The following WDFY4 variants were observed in gnomAD, a reference collection of about 807,000 sequenced individuals.
WDFY4 encodes the protein WDFY family member 4.
In WDFY4, 169 loss-of-function variants were observed where a neutral mutation model predicts 351.9. The observed-to-expected ratio is 0.48, with a 90% CI of 0.42 to 0.55. The LOEUF is 0.55. Ranked by LOEUF, WDFY4 falls within the 20% of genes least tolerant of loss-of-function variation. The pLI, the probability that WDFY4 is intolerant of heterozygous loss-of-function variation, is 0.00. For missense variants in WDFY4, 3,803 were observed against 3,935.6 expected, an observed-to-expected ratio of 0.97 and a Z score of 0.90; for synonymous variants, 1,622 against 1,574.6, an observed-to-expected ratio of 1.03 and a Z score of -0.71.
chr10:48,760,277 G>C, intron 12 of WDFY4, 70 bp from the exon 13 acceptor site: 1 of 1,366,712 alleles, frequency 7.3e-7, no homozygotes, highest in Non-Finnish European at 1.0e-6. Flanking sequence ...GAAAGATCCA[G>C]GAAGCTCAGT....
intron 39 of WDFY4, among the ~76,000 whole-genome samples, chr10:48,848,789 C>A (rs375484062): frequency 6.6e-6 from 1 of 152,204 alleles, no homozygotes; most frequent in Non-Finnish European, 1.5e-5. Flanking sequence ...CCCGAGGAGG[C>A]GAGCTGGGAA....
At position 48,820,956 on chromosome 10, in the gene WDFY4, C is replaced by G. The variant is rs149931108; in HGVS notation, c.5710-106C>G. On this transcript the variant is annotated intron_variant, in intron 33 of 61. Coordinates refer to ENST00000325239, the MANE Select transcript of WDFY4 (RefSeq NM_001394531.1). ...GGAAAATTGTGAGCAGCCCACACTG[C>G]TGGCAGATGCGGCATAAGTGTCCCA... 2.4e-3 allele frequency: 1,849 copies of G among 759,766 alleles called. 20 individuals carry two copies. In the African/African-American group the frequency reaches 0.028, roughly 11 times the overall value. 47.1% of individuals were successfully genotyped at this position (759,766 alleles called of 1,614,324 possible). A position where few individuals can be genotyped will look rare whatever the true frequency, so the allele number is the denominator to read the frequency against.
chr10:48,805,604 G>C (rs186460123), intron 26 of WDFY4, among the ~76,000 whole-genome samples, 183 bp downstream of exon 26: 4 of 152,194 alleles, frequency 2.6e-5, no homozygotes, highest in Non-Finnish European at 5.9e-5. Flanking sequence ...GGGACAGGCC[G>C]GTTTCCCCAG....
In WDFY4 at chr10:48,974,334, C is replaced by T. The variant is rs1200331714; in HGVS notation, c.8929-528C>T. On this transcript the variant is annotated intron_variant, in intron 57 of 61. Transcript: ENST00000325239. ...CCTGGCTAACTTGGTGAAACCCCATCTCCACTAAAAATAAAAAACATTCGC... is the reference window on the plus strand; with the variant it reads ...CCTGGCTAACTTGGTGAAACCCCATTTCCACTAAAAATAAAAAACATTCGC... Among the ~76,000 whole-genome samples the T allele has an allele frequency of 8.6e-5, 13 of 151,732 alleles. No homozygotes were observed. The South Asian group carries it at 2.5e-3, about 29-fold the overall frequency.
intron 12 of WDFY4, among the ~76,000 whole-genome samples, chr10:48,748,002 C>A (rs1357215625): frequency 2.0e-5 from 3 of 152,200 alleles, no homozygotes; most frequent in African/African-American, 7.2e-5. Context: ...TGGCCAGATT[C>A]CCAGGTCCTG....
At chr10:48,834,663 T>G (rs1204483934) in intron 39 of WDFY4, among the ~76,000 whole-genome samples, 1 of 152,194 alleles carries the variant, frequency 6.6e-6, no homozygotes, top group Non-Finnish European at 1.5e-5. Context: ...ATCATGGAGC[T>G]TCTCTTCCTT....
chr10:48,897,328 C>G (rs1470125224), intron 44 of WDFY4, 126 bp from the exon 45 acceptor site: 17 of 1,349,590 alleles, frequency 1.3e-5, no homozygotes, highest in Non-Finnish European at 1.7e-5. Context: ...CAGTGACCAC[C>G]GCACTTCTCT....
intron 39 of WDFY4, among the ~76,000 whole-genome samples, chr10:48,836,213 T>C (rs1164864797): frequency 6.6e-6 from 1 of 152,238 alleles, no homozygotes; most frequent in African/African-American, 2.4e-5. Flanking sequence ...TACACCTCAG[T>C]GAGCAATGTA....
In WDFY4 at chr10:48,826,905, A is replaced by C. The variant is rs1349950757; in HGVS notation, c.6217A>C (p.Arg2073=). Residue 2073 remains arginine, a synonymous_variant, in exon 36 of 62, where the codon AGA becomes CGA. Transcript: ENST00000325239. ...LMHCLLLLNE[R]SYPEGFGLEP... is the part of the protein sequence containing the mutation. ...GCATTGCCTTTTGCTACTCAATGAGAGAAGGTAAGAGCTGCCCACTTGTTT... is the reference window on the plus strand; with the variant it reads ...GCATTGCCTTTTGCTACTCAATGAGCGAAGGTAAGAGCTGCCCACTTGTTT... The C allele has an allele frequency of 6.4e-7, 1 of 1,551,394 alleles. No homozygotes were observed. The highest frequency in any genetic ancestry group is 2.4e-5 in the East Asian group (1 of 40,916).
intron 2 of WDFY4, among the ~76,000 whole-genome samples, chr10:48,717,244 G>A (rs4838643): frequency 0.097 from 14,825 of 152,126 alleles, 788 homozygotes; most frequent in African/African-American, 0.12. Context: ...TTTCATATTC[G>A]TTTCATTCAC....
At chr10:48,905,019 A>G (rs1000572577) in intron 47 of WDFY4, among the ~76,000 whole-genome samples, 1 of 152,170 alleles carries the variant, frequency 6.6e-6, no homozygotes, top group Non-Finnish European at 1.5e-5. Flanking sequence ...CTCTCCCTGG[A>G]GCAATGCTGC....
chr10:48,689,465 C>T (rs1248667516), intron 1 of WDFY4, among the ~76,000 whole-genome samples: 8 of 152,196 alleles, frequency 5.3e-5, no homozygotes, highest in Non-Finnish European at 7.3e-5. Context: ...TAAAATACCT[C>T]AGTACCTGAA....
At chr10:48,893,387 GAC>G (rs1415186055) in intron 44 of WDFY4, among the ~76,000 whole-genome samples, 2 of 152,162 alleles carry the variant, frequency 1.3e-5, no homozygotes, top group Non-Finnish European at 2.9e-5. Flanking sequence ...TCTTTTGGGG[GAC>G]ACGGTTCTAC....
chr10:48,831,178 G>C (rs533789498), intron 38 of WDFY4, among the ~76,000 whole-genome samples: 1 of 152,200 alleles, frequency 6.6e-6, no homozygotes, highest in Non-Finnish European at 1.5e-5. Context: ...TCAGGAACTT[G>C]AGGTTCTAGG....
At chr10:48,850,727 C>T (rs2068929776) in intron 39 of WDFY4, among the ~76,000 whole-genome samples, 1 of 152,202 alleles carries the variant, frequency 6.6e-6, no homozygotes, top group Non-Finnish European at 1.5e-5. Flanking sequence ...CTCAGCGACA[C>T]TGGCTCATGG....
Position 48,806,054 on chromosome 10 carries a change from G to A in WDFY4, c.4697G>A (p.Arg1566Lys). ...CTCAAGCCTTCGTCGGTGAATGAGAGGCAGATCTGCATGGACGGAGCCCTG... is the reference window on the plus strand; with the variant it reads ...CTCAAGCCTTCGTCGGTGAATGAGAAGCAGATCTGCATGGACGGAGCCCTG... Reference protein sequence around the residue: ...YTLKPSSVNERQICMDGALDP... With the variant: ...YTLKPSSVNEKQICMDGALDP... Residue 1566 changes from arginine to lysine, a missense_variant, in exon 27 of 62, where the codon AGG becomes AAG. By Grantham distance (26) the Arg-to-Lys change is conservative. Around this residue, in one of 3 missense-constraint regions of WDFY4, gnomAD observed 3,054 missense variants for 3,148.6 expected, o/e 0.97. Transcript: ENST00000325239. 6.4e-7 allele frequency: 1 copy of A among 1,551,690 alleles called. No homozygotes were observed. Among genetic ancestry groups the A allele is most frequent in the Non-Finnish European group, 8.7e-7 (1 of 1,146,988 alleles).
At chr10:48,700,759 T>G (rs1224370746) in intron 1 of WDFY4, among the ~76,000 whole-genome samples, 1 of 152,238 alleles carries the variant, frequency 6.6e-6, no homozygotes, top group Admixed American at 6.5e-5. Context: ...GCACAGCCTT[T>G]GGCAGGGGGC....
chr10:48,774,276 C>A (rs1221954325), intron 13 of WDFY4, among the ~76,000 whole-genome samples, 182 bp from the exon 14 acceptor site: 1 of 136,634 alleles, frequency 7.3e-6, no homozygotes, highest in Non-Finnish European at 1.5e-5. Context: ...CAGACTTGCC[C>A]CCCGCCAGGT....
intron 43 of WDFY4, among the ~76,000 whole-genome samples, chr10:48,880,864 G>A (rs781238702): frequency 6.6e-6 from 1 of 152,182 alleles, no homozygotes; most frequent in Non-Finnish European, 1.5e-5. Context: ...GCCTGCTTCT[G>A]GAGATGCAGG....
Sources: allele counts gnomAD v4.1 joint callset (sites outside exome capture counted in the v4.1 genomes callset), GRCh38; gene constraint gnomAD v4.1.1; regional missense constraint gnomAD v4.1.1; transcripts MANE v1.5; gene names NCBI Gene and HGNC (gene_info 2026-07-23, HGNC 2026-07-21).